Variants in SHPK observed in about 807,000 individuals in gnomAD.
SHPK encodes sedoheptulokinase, also known as carbohydrate kinase-like protein.
Under a neutral mutation model 46.3 loss-of-function variants are expected in SHPK, and 51 were observed. The ratio of observed to expected loss-of-function variants is 1.10; its 90% CI spans 0.88 to 1.39. The LOEUF (loss-of-function observed/expected upper bound fraction) is 1.39, where lower values mean the gene tolerates loss of function less well. Ranked by LOEUF, SHPK falls within the 40% of genes most tolerant of loss-of-function variation. The pLI, the probability that SHPK is intolerant of heterozygous loss-of-function variation, is 0.00. For missense variants in SHPK, 668 were observed against 641.3 expected (o/e 1.04, Z -0.45); for synonymous variants, 290 against 273.9 (o/e 1.06, Z -0.58).
At chr17:3,622,277 C>A (rs1421725434) in intron 4 of SHPK, among the ~76,000 whole-genome samples, 1 of 152,198 alleles carries the variant, frequency 6.6e-6, no homozygotes, top group Non-Finnish European at 1.5e-5. Flanking sequence ...ATAGAGTACA[C>A]TGGCTTTCAT....
At position 3,615,506 on chromosome 17, in the gene SHPK, T is replaced by TG; in HGVS notation, c.854dup (p.Ala286SerfsTer61). ...GCTGGAATCCTGAAGGCATGGAGGCTGCCAGCTGAACCGAGGTGCTGATGT... is the reference window on the plus strand; with the variant it reads ...GCTGGAATCCTGAAGGCATGGAGGCTGGCCAGCTGAACCGAGGTGCTGATGT... On this transcript the variant is annotated frameshift_variant, in exon 6 of 7. Transcript: ENST00000225519. LOFTEE classifies it high-confidence loss of function. 1 of 1,614,172 alleles carries TG rather than the reference T, an allele frequency of 6.2e-7. No homozygotes were observed. Among genetic ancestry groups the TG allele is most frequent in the Non-Finnish European group, 8.5e-7 (1 of 1,180,024 alleles).
In SHPK at chr17:3,610,687, T is replaced by C; in HGVS notation, c.1310A>G (p.Asn437Ser). Residue 437 changes from asparagine to serine, a missense_variant, in exon 7 of 7, where the codon AAT becomes AGT. By Grantham distance (46) the Asn-to-Ser change is conservative. Coordinates refer to ENST00000225519, the MANE Select transcript of SHPK (RefSeq NM_013276.4). Reference sequence around the variant, plus strand: ...CTGCACCTCCTGCTTCAGCACGTCATTCCTGGACAGCGCACTCCCACTGCC... The same window carrying C: ...CTGCACCTCCTGCTTCAGCACGTCACTCCTGGACAGCGCACTCCCACTGCC... ...VMGSGSALSR[N>S]DVLKQEVQRA... The C allele has an allele frequency of 6.2e-7, 1 of 1,614,102 alleles. No individual in the cohort carries two copies. The highest frequency in any genetic ancestry group is 1.3e-5 in the African/African-American group (1 of 75,046).
chr17:3,623,529 A>G (rs762541470), intron 3 of SHPK, 38 bp from the exon 4 acceptor site: 2 of 1,608,942 alleles, frequency 1.2e-6, no homozygotes, highest in Non-Finnish European at 1.7e-6. Context: ...ACGGTATAAC[A>G]TGAACTCGGA....
At position 3,608,378 on chromosome 17, in the gene SHPK, A is replaced by G. The variant is rs1467327063; in HGVS notation, c.*2182T>C. ...CCGAACAGCCAGCATCACTACCAGC[A>G]TCACTACTCTGGTGCTTTGGGGCCC... On this transcript the variant is annotated 3_prime_UTR_variant, in exon 7 of 7. Transcript: ENST00000225519. 6.6e-6 allele frequency: 1 copy of G among 152,154 alleles called. No homozygotes were observed. The highest frequency in any genetic ancestry group is 6.6e-5 in the Admixed American group (1 of 15,242). 9.4% of individuals were successfully genotyped at this position (152,154 alleles called of 1,614,324 possible).
intron 5 of SHPK, among the ~76,000 whole-genome samples, chr17:3,616,274 A>G (rs1439005633): frequency 6.6e-6 from 1 of 152,168 alleles, no homozygotes; most frequent in Non-Finnish European, 1.5e-5. Context: ...TCAGAGGCTA[A>G]GTCATAAAAG....
At chr17:3,618,645 T>C (rs1307568262) in intron 5 of SHPK, among the ~76,000 whole-genome samples, 2 of 152,034 alleles carry the variant, frequency 1.3e-5, no homozygotes, top group Admixed American at 6.6e-5. Flanking sequence ...CTGGGTGTGG[T>C]GGCGTGCGCC....
At chr17:3,635,933 T>C in intron 1 of SHPK, 119 bp downstream of exon 1, 2 of 1,030,466 alleles carry the variant, frequency 1.9e-6, no homozygotes, top group Non-Finnish European at 2.7e-6. Context: ...CTGGAGAAGC[T>C]GGGGACAAGC....
chr17:3,611,290 T>C (rs1053239050), intron 6 of SHPK, among the ~76,000 whole-genome samples: 1 of 152,222 alleles, frequency 6.6e-6, no homozygotes, highest in South Asian at 2.1e-4. Flanking sequence ...TATCATTGGC[T>C]GGGCGTGGTG....
intron 5 of SHPK, chr17:3,619,346 G>C: frequency 7.5e-7 from 1 of 1,330,836 alleles, no homozygotes; most frequent in Admixed American, 1.7e-5. Context: ...GAGTTATCTG[G>C]ACCTTGTTTT....
At position 3,621,289 on chromosome 17, in the gene SHPK, C is replaced by T; in HGVS notation, c.771G>A (p.Leu257=). The change falls in exon 5 of 7, where the codon TTG becomes TTA. Residue 257 remains leucine (L), a synonymous_variant. Transcript: ENST00000225519. The part of the protein sequence containing the change: ...IPKGTQVGVA[L]GDLQASVYSC... ...AATAGACAGAGGCCTGTAAATCACCCAAGGCCACTCCCACCTGCGTCCCCT... is the reference window on the plus strand; with the variant it reads ...AATAGACAGAGGCCTGTAAATCACCTAAGGCCACTCCCACCTGCGTCCCCT... 1 of 1,614,106 alleles carries T rather than the reference C, an allele frequency of 6.2e-7. No individual in the cohort carries two copies. The highest frequency in any genetic ancestry group is 8.5e-7 in the Non-Finnish European group (1 of 1,180,000).
At chr17:3,611,635 C>T (rs1460939475) in intron 6 of SHPK, among the ~76,000 whole-genome samples, 1 of 151,968 alleles carries the variant, frequency 6.6e-6, no homozygotes, top group Admixed American at 6.6e-5. Flanking sequence ...ATCAGAAATC[C>T]CAGGATCCAG....
chr17:3,615,368 G>A lies in SHPK; in HGVS notation c.993C>T (p.Val331=), dbSNP rs2150867613. Residue 331 remains valine, a synonymous_variant, in exon 6 of 7, where the codon GTC becomes GTT. Coordinates refer to ENST00000225519, the MANE Select transcript of SHPK (RefSeq NM_013276.4). ...CTGCCATCCACTGAACCAGCATGTG[G>A]ACGAACGTGGCCAGCACATTGCCCC... ...LNGGNVLATF[V]HMLVQWMADL... 6.2e-7 allele frequency: 1 copy of A among 1,614,202 alleles called. No individual in the cohort carries two copies. Among genetic ancestry groups the A allele is most frequent in the South Asian group, 1.1e-5 (1 of 91,084 alleles).
chr17:3,611,385 G>A lies in SHPK; in HGVS notation c.1025-413C>T, dbSNP rs149564766. Among the ~76,000 whole-genome samples, 502 of 152,098 alleles carry A rather than the reference G, an allele frequency of 3.3e-3. 2 individuals are homozygous for A. The highest frequency in any genetic ancestry group is 0.011 in the African/African-American group (470 of 41,492). ...GGAGTTCAAGACCAGCCTGGCCAAC[G>A]TGGTGAAACCCTGTCTCTACTAAAA... On this transcript the variant is annotated intron_variant, in intron 6 of 6. Coordinates refer to ENST00000225519, the MANE Select transcript of SHPK (RefSeq NM_013276.4).
intron 1 of SHPK, among the ~76,000 whole-genome samples, chr17:3,635,200 A>AGGAAGAAAGGAG: frequency 8.8e-6 from 1 of 113,332 alleles, no homozygotes; most frequent in Non-Finnish European, 2.0e-5. Context: ...GAATGAAGGA[A>AGGAAGAAAGGAG]GGAAGGAAGG....
intron 5 of SHPK, among the ~76,000 whole-genome samples, chr17:3,617,833 G>T (rs989031564): frequency 6.6e-6 from 1 of 152,054 alleles, no homozygotes; most frequent in East Asian, 1.9e-4. Context: ...TTAAAAAGGA[G>T]AACTAGATAA....
intron 1 of SHPK, among the ~76,000 whole-genome samples, chr17:3,635,643 C>A (rs903329795): frequency 2.0e-5 from 3 of 152,186 alleles, no homozygotes; most frequent in African/African-American, 7.2e-5. Context: ...CTGCCCTGGG[C>A]AACAAACTGA....
Position 3,633,316 on chromosome 17 carries a change from G to T in SHPK, c.168+2736C>A, listed in dbSNP as rs546407270. ...CTATAGATCACTGGTTCCTACTCGG[G>T]GTGGTCTTGTCACCTAGGGAACATT... On this transcript the variant is annotated intron_variant, in intron 1 of 6. Coordinates refer to ENST00000225519, the MANE Select transcript of SHPK (RefSeq NM_013276.4). Among the ~76,000 whole-genome samples, 3 of 151,360 alleles carry T rather than the reference G, an allele frequency of 2.0e-5. No homozygotes were observed. The Admixed American group carries it at 2.0e-4, about 10-fold the overall frequency.
At chr17:3,633,513 C>A (rs1439572302) in intron 1 of SHPK, among the ~76,000 whole-genome samples, 1 of 151,914 alleles carries the variant, frequency 6.6e-6, no homozygotes, top group Non-Finnish European at 1.5e-5. Flanking sequence ...AGAAACCCTG[C>A]TATATAGACT....
intron 6 of SHPK, among the ~76,000 whole-genome samples, chr17:3,613,142 T>G (rs2075350706): frequency 6.6e-6 from 1 of 152,188 alleles, no homozygotes; most frequent in Admixed American, 6.5e-5. Flanking sequence ...GAAACTGTAC[T>G]CCAGGCCAGT....
Sources: gnomAD v4.1 joint callset for allele counts (sites outside exome capture counted in the v4.1 genomes callset) on GRCh38, gnomAD v4.1.1 for gene constraint, MANE v1.5 for transcripts, NCBI Gene and HGNC (gene_info 2026-07-23, HGNC 2026-07-21) for gene names.